Variants in CNTN5 observed in about 807,000 individuals in gnomAD.
CNTN5 encodes contactin-5.
CNTN5 carries 77 observed loss-of-function variants against 129.1 expected under a neutral mutation model. That is an observed-to-expected ratio of 0.60 (90% confidence interval 0.50 to 0.72). The LOEUF (loss-of-function observed/expected upper bound fraction) is 0.72. Among genes scored for constraint, CNTN5 ranks in the 30% least tolerant of loss-of-function variants. The pLI is 0.00. For missense variants in CNTN5, 1,478 were observed against 1,328.8 expected (o/e 1.11, Z -1.75); for synonymous variants, 509 against 465.6 (o/e 1.09, Z -1.20).
rs117364431 is a variant in CNTN5 at position 99,218,470 on chromosome 11, A to G, written c.-209-106876A>G. ...TTTTTCCACTGACCTAAAGTCCTGT[A>G]TGTTGACTGGGTAATTTATTGTCCA... On this transcript the variant is annotated intron_variant, in intron 1 of 24. Coordinates refer to ENST00000524871, the MANE Select transcript of CNTN5 (RefSeq NM_014361.4). Among the ~76,000 whole-genome samples the G allele has an allele frequency of 2.5e-4, 38 of 152,254 alleles. 1 individual carries two copies. The East Asian group carries it at 7.3e-3, about 29-fold the overall frequency.
chr11:99,443,334 A>G (rs2135157287), intron 2 of CNTN5, among the ~76,000 whole-genome samples: 1 of 152,350 alleles, frequency 6.6e-6, no homozygotes, highest in African/African-American at 2.4e-5. Context: ...GTAATTGTGA[A>G]TTATTCAGAA....
At chr11:99,400,687 C>G (rs1326899079) in intron 2 of CNTN5, among the ~76,000 whole-genome samples, 2 of 152,064 alleles carry the variant, frequency 1.3e-5, no homozygotes, top group Non-Finnish European at 2.9e-5. Context: ...ACTATTCACT[C>G]TCTCACCAAT....
intron 2 of CNTN5, among the ~76,000 whole-genome samples, chr11:99,435,532 C>A (rs150776981): frequency 6.6e-6 from 1 of 152,180 alleles, no homozygotes; most frequent in Admixed American, 6.6e-5. Flanking sequence ...GTTCATAATA[C>A]TCTAACCACA....
chr11:99,753,177 C>T (rs1205937666), intron 3 of CNTN5, among the ~76,000 whole-genome samples: 2 of 124,100 alleles, frequency 1.6e-5, no homozygotes, highest in East Asian at 2.9e-4. Flanking sequence ...GGCTGGAGTA[C>T]GGTGGCGAGA....
chr11:99,742,880 G>GC (rs1230494491), intron 3 of CNTN5, among the ~76,000 whole-genome samples: 2 of 152,294 alleles, frequency 1.3e-5, no homozygotes, highest in Admixed American at 6.5e-5. Context: ...TAGAGCCTGT[G>GC]CTAATGCATC....
At chr11:100,280,306 C>T (rs747868478) in intron 18 of CNTN5, among the ~76,000 whole-genome samples, 1 of 151,792 alleles carries the variant, frequency 6.6e-6, no homozygotes, top group Non-Finnish European at 1.5e-5. Flanking sequence ...TGCAGTGAGG[C>T]GTATCTCTCT....
intron 2 of CNTN5, among the ~76,000 whole-genome samples, chr11:99,343,266 A>G (rs1032645394): frequency 2.6e-5 from 4 of 152,202 alleles, no homozygotes; most frequent in African/African-American, 9.6e-5. Context: ...TCAGATGTTT[A>G]AAAGTACTGT....
At chr11:99,751,723 C>T (rs1327692399) in intron 3 of CNTN5, among the ~76,000 whole-genome samples, 1 of 152,066 alleles carries the variant, frequency 6.6e-6, no homozygotes, top group African/African-American at 2.4e-5. Context: ...TTCTATAAGC[C>T]AAGTTCAGTT....
chr11:99,692,002 C>G (rs909112668), intron 3 of CNTN5, among the ~76,000 whole-genome samples: 1 of 152,144 alleles, frequency 6.6e-6, no homozygotes, highest in Non-Finnish European at 1.5e-5. Context: ...TAATGCCCTT[C>G]TTTGTCTTTT....
intron 2 of CNTN5, among the ~76,000 whole-genome samples, chr11:99,494,537 G>A (rs1946154868): frequency 6.6e-6 from 1 of 152,138 alleles, no homozygotes; most frequent in Admixed American, 6.5e-5. Context: ...GGTCCAGGAA[G>A]CTGATGTAAC....
chr11:100,236,052 A>G (rs1949606212), intron 16 of CNTN5, among the ~76,000 whole-genome samples: 1 of 152,196 alleles, frequency 6.6e-6, no homozygotes, highest in Non-Finnish European at 1.5e-5. Flanking sequence ...GCTTTTATTC[A>G]GTGCAGGCAC....
rs138198870 is a variant in CNTN5 at position 99,927,957 on chromosome 11, G to A, written c.673+11808G>A. On this transcript the variant is annotated intron_variant, in intron 7 of 24. Transcript: ENST00000524871. ...AGCCTCTAACATCAAAAGCAAGTTAGTTACTTCCTACATACTATGGGGGTA... is the reference window on the plus strand; with the variant it reads ...AGCCTCTAACATCAAAAGCAAGTTAATTACTTCCTACATACTATGGGGGTA... 7.8e-4 allele frequency among the ~76,000 whole-genome samples: 119 copies of A among 152,310 alleles called. 1 individual carries two copies. Among genetic ancestry groups the A allele is most frequent in the African/African-American group, 2.8e-3 (115 of 41,572 alleles).
At chr11:99,249,581 A>C (rs144023079) in intron 1 of CNTN5, among the ~76,000 whole-genome samples, 1 of 152,058 alleles carries the variant, frequency 6.6e-6, no homozygotes, top group African/African-American at 2.4e-5. Flanking sequence ...AGCACAAACT[A>C]TATACCGGAC....
chr11:99,086,601 T>C (rs1283121652), intron 1 of CNTN5, among the ~76,000 whole-genome samples: 3 of 152,170 alleles, frequency 2.0e-5, no homozygotes, highest in Non-Finnish European at 4.4e-5. Context: ...TTGATTTGTT[T>C]TCTCATCAAC....
At chr11:99,491,336 A>T (rs191413184) in intron 2 of CNTN5, among the ~76,000 whole-genome samples, 2 of 152,270 alleles carry the variant, frequency 1.3e-5, no homozygotes, top group African/African-American at 4.8e-5. Flanking sequence ...GCTAGTTTTC[A>T]TAGTAATAAG....
At chr11:99,195,360 A>C (rs1858848636) in intron 1 of CNTN5, among the ~76,000 whole-genome samples, 1 of 152,092 alleles carries the variant, frequency 6.6e-6, no homozygotes, top group Non-Finnish European at 1.5e-5. Context: ...AGATGCCCAG[A>C]ACTGTGATTT....
intron 2 of CNTN5, among the ~76,000 whole-genome samples, chr11:99,330,470 C>T (rs1047711626): frequency 3.9e-5 from 6 of 152,134 alleles, no homozygotes; most frequent in South Asian, 2.1e-4. Flanking sequence ...ATAATGATTG[C>T]GTAGTATTGT....
At chr11:99,849,995 T>G (rs1947821144) in intron 6 of CNTN5, among the ~76,000 whole-genome samples, 1 of 152,116 alleles carries the variant, frequency 6.6e-6, no homozygotes, top group South Asian at 2.1e-4. Flanking sequence ...TTTTAGAATT[T>G]ATTAACACCT....
intron 1 of CNTN5, among the ~76,000 whole-genome samples, chr11:99,074,688 T>A (rs1375587858): frequency 6.6e-6 from 1 of 152,152 alleles, no homozygotes; most frequent in African/African-American, 2.4e-5. Context: ...TCTGTTTACA[T>A]CATGCATTTT....
Sources: allele counts gnomAD v4.1 joint callset (sites outside exome capture counted in the v4.1 genomes callset), GRCh38; gene constraint gnomAD v4.1.1; transcripts MANE v1.5; gene names NCBI Gene and HGNC (gene_info 2026-07-23, HGNC 2026-07-21).